LRTM3: variants seen among roughly 807,000 people sequenced by gnomAD.
LRTM3 encodes the protein leucine rich repeat transmembrane protein 3.
At chr13:102,738,437 G>A in the LRTM3 span, 3 of 1,550,586 alleles carry the variant, frequency 1.9e-6, no homozygotes, top group South Asian at 3.6e-5. Context: ...GGAAGCGCAG[G>A]CATTTGTCAG....
At chr13:102,740,196 C>T in the LRTM3 span, 1 of 1,548,548 alleles carries the variant, frequency 6.5e-7, no homozygotes, top group Non-Finnish European at 8.7e-7. Context: ...AAGACCTGTA[C>T]CCCATCTGAT....
At chr13:102,754,364 T>C in the LRTM3 span, among the ~76,000 whole-genome samples, 1 of 152,188 alleles carries the variant, frequency 6.6e-6, no homozygotes, top group East Asian at 1.9e-4. Context: ...ATTTATTTAT[T>C]ATGTTGTCAT....
the LRTM3 span, chr13:102,732,330 A>G: frequency 2.6e-6 from 4 of 1,551,240 alleles, no homozygotes; most frequent in South Asian, 3.6e-5. Flanking sequence ...TCATACTCTA[A>G]TTTCTTTCTA....
the LRTM3 span, chr13:102,742,671 A>G: frequency 5.8e-6 from 9 of 1,550,670 alleles, no homozygotes; most frequent in Admixed American, 3.9e-5. Flanking sequence ...GTATCAGGTG[A>G]TTGTGAAACT....
At chr13:102,747,255 A>G in the LRTM3 span, 3 of 1,549,768 alleles carry the variant, frequency 1.9e-6, no homozygotes, top group African/African-American at 4.1e-5. Flanking sequence ...GTATTAGGCA[A>G]AATAGACATG....
the LRTM3 span, chr13:102,746,160 G>A: frequency 2.3e-5 from 36 of 1,551,122 alleles, no homozygotes; most frequent in East Asian, 7.6e-4. Context: ...TGCTGCAAAC[G>A]TTGTCCATTA....
the LRTM3 span, chr13:102,747,224 T>C: frequency 6.4e-7 from 1 of 1,550,728 alleles, no homozygotes; most frequent in Non-Finnish European, 8.7e-7. Flanking sequence ...ATTCTCTGCA[T>C]TTAATCTGCT....
At chr13:102,740,716 A>C in the LRTM3 span, 3 of 1,548,296 alleles carry the variant, frequency 1.9e-6, no homozygotes, top group African/African-American at 4.1e-5. Context: ...AGTGAGATGC[A>C]GGCTTTGGAA....
the LRTM3 span, among the ~76,000 whole-genome samples, chr13:102,755,896 T>C: frequency 4.5e-5 from 3 of 66,418 alleles, no homozygotes; most frequent in Non-Finnish European, 1.1e-4. Flanking sequence ...TGTATACACA[T>C]ATATATGTGT....
the LRTM3 span, chr13:102,729,645 CA>C: frequency 1.2e-4 from 184 of 1,530,712 alleles, no homozygotes; most frequent in Admixed American, 6.9e-4. Flanking sequence ...GGTACACAGG[CA>C]AAAAAAAAGG....
chr13:102,742,243 C>T, the LRTM3 span: 2 of 1,550,410 alleles, frequency 1.3e-6, no homozygotes, highest in South Asian at 1.2e-5. Context: ...CAGTACCATA[C>T]TCAAGCAGCT....
the LRTM3 span, chr13:102,730,283 C>A: frequency 6.4e-7 from 1 of 1,551,398 alleles, no homozygotes. Flanking sequence ...TGATTCCTGA[C>A]TTAAATAAGA....
the LRTM3 span, among the ~76,000 whole-genome samples, chr13:102,754,807 A>G: frequency 6.6e-6 from 1 of 152,204 alleles, no homozygotes; most frequent in African/African-American, 2.4e-5. Flanking sequence ...TTCTAGAGCC[A>G]TGGTAACCAA....
the LRTM3 span, chr13:102,738,880 C>T: frequency 6.4e-7 from 1 of 1,550,700 alleles, no homozygotes; most frequent in Non-Finnish European, 8.7e-7. Context: ...GCTGCTTCAC[C>T]TCCAAAGCTA....
the LRTM3 span, chr13:102,748,992 A>T: frequency 1.9e-6 from 3 of 1,550,886 alleles, no homozygotes; most frequent in Non-Finnish European, 2.6e-6. Context: ...CATTTTATTA[A>T]ACCCGGCATG....
the LRTM3 span, chr13:102,743,331 T>G: frequency 6.4e-7 from 1 of 1,550,482 alleles, no homozygotes; most frequent in South Asian, 1.2e-5. Flanking sequence ...CCACTTTGCC[T>G]TTTAATGTCA....
At chr13:102,731,695 A>G in the LRTM3 span, 4 of 1,551,426 alleles carry the variant, frequency 2.6e-6, no homozygotes, top group South Asian at 4.8e-5. Flanking sequence ...CTGCATTTGT[A>G]CTGTCTGCAA....
At chr13:102,743,614 A>T in the LRTM3 span, 2 of 1,550,448 alleles carry the variant, frequency 1.3e-6, no homozygotes, top group Non-Finnish European at 1.7e-6. Flanking sequence ...AGAAATCTAA[A>T]GGACCCAGGA....
chr13:102,739,764 C>A, the LRTM3 span: 2 of 1,549,050 alleles, frequency 1.3e-6, no homozygotes, highest in Non-Finnish European at 1.7e-6. Context: ...GAGATCACCC[C>A]ATCAATTGTT....
Sources: allele counts gnomAD v4.1 joint callset (sites outside exome capture counted in the v4.1 genomes callset), GRCh38; gene constraint gnomAD v4.1.1; transcripts MANE v1.5; gene names NCBI Gene and HGNC (gene_info 2026-07-23, HGNC 2026-07-21).